The following DENND1A variants were observed in gnomAD, a reference collection of about 807,000 sequenced individuals.
DENND1A encodes DENN domain-containing protein 1A.
DENND1A carries 51 observed loss-of-function variants against 113.7 expected under a neutral mutation model. The observed-to-expected ratio is 0.45, with a 90% CI of 0.36 to 0.57. DENND1A has a LOEUF of 0.57. DENND1A is among the 20% of genes least tolerant of loss of function. The pLI, the probability that DENND1A is intolerant of heterozygous loss-of-function variation, is 0.00. For synonymous variants in DENND1A, 565 were observed against 570.8 expected, an observed-to-expected ratio of 0.99 and a Z score of 0.14; for missense variants, 1,258 against 1,395.9, an observed-to-expected ratio of 0.90 and a Z score of 1.57.
At chr9:123,716,168 G>A (rs2066965094) in intron 5 of DENND1A, among the ~76,000 whole-genome samples, 1 of 152,142 alleles carries the variant, frequency 6.6e-6, no homozygotes, top group Non-Finnish European at 1.5e-5. Context: ...TGGTAGAAAG[G>A]CACAGCATAA....
chr9:123,862,847 T>C (rs989008656), intron 2 of DENND1A, among the ~76,000 whole-genome samples: 3 of 152,290 alleles, frequency 2.0e-5, no homozygotes. Context: ...AGCTAGTTGA[T>C]CAAACTATAA....
chr9:123,580,528 T>C (rs1010508989), intron 12 of DENND1A, among the ~76,000 whole-genome samples: 3 of 152,258 alleles, frequency 2.0e-5, no homozygotes, highest in African/African-American at 7.2e-5. Context: ...GTCCACTCCA[T>C]GGTTTCTGAG....
rs1241910665 is a variant in DENND1A at position 123,440,372 on chromosome 9, G to T, written c.1476C>A (p.Val492=). Residue 492 remains valine (V), a synonymous_variant, in exon 19 of 24, where the codon GTC becomes GTA. Coordinates refer to ENST00000394215, the MANE Select transcript of DENND1A (RefSeq NM_001352964.2). ...CCAGGGTACACACCTGTCCAAAGTGGACTGTGATTGGCCGCCGGTCTTCTC... is the reference window on the plus strand; with the variant it reads ...CCAGGGTACACACCTGTCCAAAGTGTACTGTGATTGGCCGCCGGTCTTCTC... ...KLREDRRPIT[V]HFGQLQRLRP... 1 of 1,602,598 alleles carries T rather than the reference G, an allele frequency of 6.2e-7. No individual in the cohort carries two copies. Among genetic ancestry groups the T allele is most frequent in the South Asian group, 1.1e-5 (1 of 89,730 alleles).
intron 1 of DENND1A, among the ~76,000 whole-genome samples, chr9:123,884,618 G>T (rs909946856): frequency 6.6e-6 from 1 of 151,956 alleles, no homozygotes; most frequent in South Asian, 2.1e-4. Context: ...CTAATTCTAG[G>T]ACAATTATAC....
chr9:123,506,358 C>T (rs949129311), intron 13 of DENND1A, among the ~76,000 whole-genome samples: 13 of 151,900 alleles, frequency 8.6e-5, no homozygotes, highest in African/African-American at 1.5e-4. Flanking sequence ...CCGAAGTGGG[C>T]GGATCACTAG....
In DENND1A at chr9:123,769,503, T is replaced by C; in HGVS notation, c.182+11A>G. On this transcript the variant is annotated intron_variant, in intron 4 of 23. Transcript: ENST00000394215. ...CTTTTTTTCTAGTAAAGTTTGAAAA[T>C]CTGACACTACCTGTCCACATAGAAG... is the stretch of plus-strand genomic sequence containing the variant. 6.3e-7 allele frequency: 1 copy of C among 1,596,554 alleles called. No homozygotes were observed. Among genetic ancestry groups the C allele is most frequent in the South Asian group, 1.1e-5 (1 of 87,514 alleles).
At chr9:123,856,773 G>A (rs913740708) in intron 2 of DENND1A, among the ~76,000 whole-genome samples, 2 of 150,416 alleles carry the variant, frequency 1.3e-5, no homozygotes, top group African/African-American at 5.0e-5. Flanking sequence ...CAGGGTATCA[G>A]AGCCCCAATT....
chr9:123,821,355 T>C (rs1318540879), intron 2 of DENND1A, among the ~76,000 whole-genome samples: 3 of 152,170 alleles, frequency 2.0e-5, no homozygotes, highest in Admixed American at 6.5e-5. Flanking sequence ...CCAAAATAAA[T>C]GTCATTTTCA....
intron 2 of DENND1A, among the ~76,000 whole-genome samples, chr9:123,814,429 G>A (rs1235611814): frequency 6.6e-6 from 1 of 151,932 alleles, no homozygotes; most frequent in East Asian, 1.9e-4. Context: ...CAAATTTTCA[G>A]CATTGTACAT....
chr9:123,720,997 G>C (rs1376242736), intron 5 of DENND1A, among the ~76,000 whole-genome samples: 1 of 152,190 alleles, frequency 6.6e-6, no homozygotes, highest in African/African-American at 2.4e-5. Flanking sequence ...GATACTCCAA[G>C]TGTCTGACCC....
intron 19 of DENND1A, among the ~76,000 whole-genome samples, chr9:123,419,402 C>T (rs963970228): frequency 1.3e-5 from 2 of 152,260 alleles, no homozygotes; most frequent in Non-Finnish European, 2.9e-5. Flanking sequence ...ATAGGCCCTG[C>T]CATTTCTCAG....
At chr9:123,752,645 G>A (rs1451735835) in intron 5 of DENND1A, among the ~76,000 whole-genome samples, 1 of 152,186 alleles carries the variant, frequency 6.6e-6, no homozygotes, top group African/African-American at 2.4e-5. Flanking sequence ...CTAGAAGTTG[G>A]CTAGAAATCG....
At chr9:123,664,907 C>T (rs2063421409) in intron 8 of DENND1A, among the ~76,000 whole-genome samples, 1 of 152,036 alleles carries the variant, frequency 6.6e-6, no homozygotes, top group Non-Finnish European at 1.5e-5. Flanking sequence ...CCAGAGTATG[C>T]CTCTGCTTCT....
At position 123,410,603 on chromosome 9, in the gene DENND1A, CTG is replaced by C. The variant is rs2044229343; in HGVS notation, c.1542+1171_1542+1172del. Among the ~76,000 whole-genome samples the C allele has an allele frequency of 2.0e-5, 3 of 152,358 alleles. No homozygotes were observed. The South Asian group carries it at 6.2e-4, about 32-fold the overall frequency. ...AGCGGGGAAGGGAAGGGAAGGAAAA[CTG>C]TGCCACAGAATGGCCAACACCCACC... On this transcript the variant is annotated intron_variant, in intron 20 of 23. Coordinates refer to ENST00000394215, the MANE Select transcript of DENND1A (RefSeq NM_001352964.2).
intron 21 of DENND1A, among the ~76,000 whole-genome samples, chr9:123,394,490 C>T (rs922042940): frequency 5.9e-5 from 9 of 152,174 alleles, no homozygotes; most frequent in African/African-American, 1.2e-4. Context: ...TGGCTGCAGT[C>T]AAGCAGGAAG....
At chr9:123,644,963 T>C (rs1372870491) in intron 9 of DENND1A, among the ~76,000 whole-genome samples, 1 of 152,094 alleles carries the variant, frequency 6.6e-6, no homozygotes, top group Non-Finnish European at 1.5e-5. Flanking sequence ...GATATGAAAA[T>C]ATGGAAGAAA....
At position 123,693,804 on chromosome 9, in the gene DENND1A, ATATTATTATTAT is replaced by A. The variant is rs72061275; in HGVS notation, c.303-17027_303-17016del. Among the ~76,000 whole-genome samples the A allele has an allele frequency of 2.1e-4, 30 of 140,198 alleles. 1 individual carries two copies. The highest frequency in any genetic ancestry group is 1.6e-3 in the South Asian group (7 of 4,274). The allele number at this position is 140,198 out of a possible 152,430, so 92.0% of individuals were successfully genotyped here. On this transcript the variant is annotated intron_variant, in intron 5 of 23. Coordinates refer to ENST00000394215, the MANE Select transcript of DENND1A (RefSeq NM_001352964.2). ...ATATCATCCACAAGTTTCATTAGCTATATTATTATTATTATTATTATTATTATTATTATTATT... is the reference window on the plus strand; with the variant it reads ...ATATCATCCACAAGTTTCATTAGCTATATTATTATTATTATTATTATTATT...
intron 13 of DENND1A, among the ~76,000 whole-genome samples, chr9:123,476,566 G>A (rs2049931467): frequency 6.6e-6 from 1 of 152,210 alleles, no homozygotes; most frequent in South Asian, 2.1e-4. Context: ...TCCCCTAGGA[G>A]GTTCTTTTCA....
chr9:123,474,735 T>C (rs75351072), intron 13 of DENND1A, among the ~76,000 whole-genome samples: 10,813 of 152,298 alleles, frequency 0.071, 445 homozygotes, highest in East Asian at 0.094. Flanking sequence ...GAATCATTGT[T>C]CTTAGCTCCC....
Sources: allele counts gnomAD v4.1 joint callset (sites outside exome capture counted in the v4.1 genomes callset), GRCh38; gene constraint gnomAD v4.1.1; transcripts MANE v1.5; gene names NCBI Gene and HGNC (gene_info 2026-07-23, HGNC 2026-07-21).